The following GLIS3 variants were observed in gnomAD, a reference collection of about 807,000 sequenced individuals.
GLIS3 encodes GLIS family zinc finger 3.
A neutral mutation model predicts 78.6 loss-of-function variants in GLIS3; 53 were observed. The observed-to-expected ratio is 0.67, with a 90% CI of 0.54 to 0.85. The LOEUF is 0.85. Ranked by LOEUF, GLIS3 falls within the 40% of genes least tolerant of loss-of-function variation. The pLI, the probability that GLIS3 is intolerant of heterozygous loss-of-function variation, is 0.00. For synonymous variants in GLIS3, 684 were observed against 509.9 expected (o/e 1.34, Z -4.60); for missense variants, 1,703 against 1,231.1 (o/e 1.38, Z -5.74).
chr9:4,069,626 G>A (rs1426342457), intron 4 of GLIS3, among the ~76,000 whole-genome samples: 1 of 151,956 alleles, frequency 6.6e-6, no homozygotes, highest in African/African-American at 2.4e-5. Context: ...TCAACTGCAT[G>A]CCTACCTTCA....
the GLIS3 span, among the ~76,000 whole-genome samples, chr9:4,458,681 G>A: frequency 4.6e-5 from 7 of 151,998 alleles, no homozygotes; most frequent in East Asian, 1.9e-4. Flanking sequence ...CCAGCTACTC[G>A]GGACTACTCG....
chr9:3,919,011 G>C (rs1176837659), intron 6 of GLIS3, among the ~76,000 whole-genome samples: 2 of 152,194 alleles, frequency 1.3e-5, no homozygotes. Context: ...GGGTGGGAAA[G>C]TGCCCTGAAG....
intron 5 of GLIS3, among the ~76,000 whole-genome samples, chr9:3,934,696 AC>A: frequency 6.6e-6 from 1 of 152,326 alleles, no homozygotes; most frequent in East Asian, 1.9e-4. Flanking sequence ...GGCGTGAGCC[AC>A]CGTGCCCAGC....
chr9:4,174,892 G>T lies in GLIS3; in HGVS notation c.389-48951C>A, dbSNP rs1289080854. On this transcript the variant is annotated intron_variant, in intron 2 of 10. Transcript: ENST00000381971. The stretch of plus-strand genomic sequence containing the variant: ...TTTAGTTTATTCCAACAACACGCCT[G>T]CAAGAATCTAGATCTGACCGTCTTC... 5.3e-5 allele frequency among the ~76,000 whole-genome samples: 8 copies of T among 152,280 alleles called. No homozygotes were observed. In the South Asian group the frequency reaches 1.5e-3, roughly 28 times the overall value.
chr9:4,147,043 C>A (rs1214659660), intron 2 of GLIS3, among the ~76,000 whole-genome samples: 1 of 152,188 alleles, frequency 6.6e-6, no homozygotes, highest in East Asian at 1.9e-4. Flanking sequence ...GCCACCCTGA[C>A]CTAGCACCTG....
At chr9:4,007,139 T>C (rs1821611134) in intron 4 of GLIS3, among the ~76,000 whole-genome samples, 1 of 152,190 alleles carries the variant, frequency 6.6e-6, no homozygotes, top group Admixed American at 6.5e-5. Context: ...GGATACCCAC[T>C]GCACATCCAA....
intron 2 of GLIS3, among the ~76,000 whole-genome samples, chr9:4,213,766 G>C (rs1477339881): frequency 2.0e-5 from 3 of 152,062 alleles, no homozygotes; most frequent in East Asian, 1.9e-4. Flanking sequence ...CATGTGCTCT[G>C]AGTGCACATA....
chr9:4,041,670 T>C (rs1216906861), intron 4 of GLIS3, among the ~76,000 whole-genome samples: 2 of 152,208 alleles, frequency 1.3e-5, no homozygotes, highest in Non-Finnish European at 2.9e-5. Flanking sequence ...GTTTTATTTC[T>C]GTTCTCTGGA....
intron 4 of GLIS3, among the ~76,000 whole-genome samples, chr9:3,942,969 A>T (rs112472413): frequency 2.0e-5 from 3 of 152,332 alleles, no homozygotes; most frequent in Middle Eastern, 3.4e-3. Flanking sequence ...AAACAGTTAA[A>T]TCTAATTTTA....
intron 1 of GLIS3, among the ~76,000 whole-genome samples, chr9:4,298,770 C>G (rs570901011): frequency 1.2e-3 from 183 of 152,232 alleles, no homozygotes; most frequent in Non-Finnish European, 1.7e-3. Flanking sequence ...GTTATAGTTC[C>G]AGACCTGGCG....
At chr9:4,039,133 C>G (rs931708342) in intron 4 of GLIS3, among the ~76,000 whole-genome samples, 1 of 152,168 alleles carries the variant, frequency 6.6e-6, no homozygotes, top group Non-Finnish European at 1.5e-5. Context: ...TTTAAGGACT[C>G]TTTTCACACC....
intron 4 of GLIS3, among the ~76,000 whole-genome samples, chr9:4,007,258 GC>G (rs1821626720): frequency 6.6e-6 from 1 of 152,090 alleles, no homozygotes; most frequent in Non-Finnish European, 1.5e-5. Flanking sequence ...AGGAAAAGTA[GC>G]AAAAAGCCCT....
intron 2 of GLIS3, among the ~76,000 whole-genome samples, chr9:4,267,713 G>T (rs971352373): frequency 2.0e-5 from 3 of 152,094 alleles, no homozygotes; most frequent in South Asian, 4.1e-4. Flanking sequence ...ACGATAAGAA[G>T]AAAGGAATAT....
intron 9 of GLIS3, among the ~76,000 whole-genome samples, chr9:3,836,497 T>C (rs886269438): frequency 2.6e-5 from 4 of 152,204 alleles, no homozygotes; most frequent in African/African-American, 9.7e-5. Flanking sequence ...AGAAGATGCA[T>C]GACCCCACTC....
intron 2 of GLIS3, among the ~76,000 whole-genome samples, chr9:4,249,490 G>A (rs927586420): frequency 6.6e-6 from 1 of 152,196 alleles, no homozygotes; most frequent in Non-Finnish European, 1.5e-5. Context: ...CTTTGCTGAA[G>A]TTGCTTATCA....
intron 2 of GLIS3, among the ~76,000 whole-genome samples, chr9:4,188,565 G>A (rs550395434): frequency 6.6e-6 from 1 of 152,070 alleles, no homozygotes; most frequent in South Asian, 2.1e-4. Flanking sequence ...AGTTTCAGAA[G>A]TAATGGTACC....
the GLIS3 span, among the ~76,000 whole-genome samples, chr9:4,400,169 C>A: frequency 6.6e-6 from 1 of 152,292 alleles, no homozygotes; most frequent in East Asian, 1.9e-4. Context: ...CTTCCCCTAT[C>A]GCTTCTCGGC....
chr9:4,222,848 T>C (rs1158209188), intron 2 of GLIS3, among the ~76,000 whole-genome samples: 3 of 152,230 alleles, frequency 2.0e-5, no homozygotes, highest in Non-Finnish European at 2.9e-5. Flanking sequence ...AGTAAGATTC[T>C]AGCATTCCAT....
chr9:4,409,158 G>T, the GLIS3 span, among the ~76,000 whole-genome samples: 1 of 152,108 alleles, frequency 6.6e-6, no homozygotes, highest in African/African-American at 2.4e-5. Context: ...GCTTATATAA[G>T]CAAGACCTTA....
Sources: gnomAD v4.1 joint callset for allele counts (sites outside exome capture counted in the v4.1 genomes callset) on GRCh38, gnomAD v4.1.1 for gene constraint, MANE v1.5 for transcripts, NCBI Gene and HGNC (gene_info 2026-07-23, HGNC 2026-07-21) for gene names.